The following RALGPS2 variants were observed in gnomAD, a reference collection of about 807,000 sequenced individuals.
RALGPS2 encodes the protein ras-specific guanine nucleotide-releasing factor RalGPS2.
RALGPS2 carries 43 observed loss-of-function variants against 86.8 expected under a neutral mutation model. The ratio of observed to expected loss-of-function variants is 0.50; its 90% CI spans 0.39 to 0.64. RALGPS2 has a LOEUF of 0.64. Ranked by LOEUF, RALGPS2 falls within the 30% of genes least tolerant of loss-of-function variation. The pLI, the probability that RALGPS2 is intolerant of heterozygous loss-of-function variation, is 0.00. For synonymous variants in RALGPS2, 243 were observed against 231.3 expected, an observed-to-expected ratio of 1.05 and a Z score of -0.46; for missense variants, 536 against 694.6, an observed-to-expected ratio of 0.77 and a Z score of 2.57.
intron 19 of RALGPS2, among the ~76,000 whole-genome samples, chr1:178,914,324 A>G (rs1660732552): frequency 6.6e-6 from 1 of 152,078 alleles, no homozygotes; most frequent in African/African-American, 2.4e-5. Flanking sequence ...GGCAACTCAA[A>G]TATCCAGGAG....
At chr1:178,763,191 C>G (rs1037737531) in intron 1 of RALGPS2, among the ~76,000 whole-genome samples, 1 of 152,022 alleles carries the variant, frequency 6.6e-6, no homozygotes, top group African/African-American at 2.4e-5. Context: ...CTATTCTGTT[C>G]CGTTGGTTTG....
intron 1 of RALGPS2, among the ~76,000 whole-genome samples, chr1:178,760,393 A>G (rs1293341947): frequency 6.6e-6 from 1 of 152,150 alleles, no homozygotes; most frequent in African/African-American, 2.4e-5. Flanking sequence ...TATATTTAGG[A>G]TAGTTAAGTC....
intron 7 of RALGPS2, among the ~76,000 whole-genome samples, chr1:178,827,358 A>T (rs1655793381): frequency 6.6e-6 from 1 of 151,968 alleles, no homozygotes; most frequent in African/African-American, 2.4e-5. Flanking sequence ...AGCAATCTTG[A>T]GCAACAACAA....
chr1:178,775,141 C>G (rs1409747598), intron 1 of RALGPS2, among the ~76,000 whole-genome samples: 2 of 152,142 alleles, frequency 1.3e-5, no homozygotes, highest in African/African-American at 4.8e-5. Context: ...TGTGCCAACA[C>G]TGTTTTAGGT....
intron 2 of RALGPS2, among the ~76,000 whole-genome samples, chr1:178,777,846 A>G (rs1247239813): frequency 6.1e-5 from 9 of 147,786 alleles, no homozygotes; most frequent in East Asian, 2.0e-4. Context: ...CCATATGTAG[A>G]AAGCTGAAAC....
intron 1 of RALGPS2, among the ~76,000 whole-genome samples, chr1:178,773,503 G>C: frequency 6.6e-6 from 1 of 152,196 alleles, no homozygotes; most frequent in East Asian, 1.9e-4. Context: ...CGTACTAAAA[G>C]AATAAACTCG....
chr1:178,851,285 C>T, intron 8 of RALGPS2: 1 of 1,611,476 alleles, frequency 6.2e-7, no homozygotes, highest in Non-Finnish European at 8.5e-7. Context: ...CATTGTACCA[C>T]CAGCCTCCTT....
intron 1 of RALGPS2, among the ~76,000 whole-genome samples, chr1:178,727,866 AATG>A (rs1650118603): frequency 6.6e-6 from 1 of 152,184 alleles, no homozygotes; most frequent in Admixed American, 6.5e-5. Flanking sequence ...ATGGGGCTTA[AATG>A]ATAAGTGGGC....
At chr1:178,880,563 T>C (rs1486229419) in intron 10 of RALGPS2, among the ~76,000 whole-genome samples, 3 of 152,198 alleles carry the variant, frequency 2.0e-5, no homozygotes, top group Non-Finnish European at 4.4e-5. Flanking sequence ...CTGTGTCTTA[T>C]ACTTACCACT....
At chr1:178,892,813 T>C (rs1453147441) in intron 15 of RALGPS2, among the ~76,000 whole-genome samples, 1 of 152,128 alleles carries the variant, frequency 6.6e-6, no homozygotes, top group Non-Finnish European at 1.5e-5. Context: ...CAGGTCTCTT[T>C]TGGACTGTTA....
intron 8 of RALGPS2, among the ~76,000 whole-genome samples, chr1:178,866,405 T>C (rs1272904067): frequency 6.6e-6 from 1 of 152,194 alleles, no homozygotes; most frequent in African/African-American, 2.4e-5. Context: ...TCACATGCTT[T>C]TTATTTTTAT....
intron 12 of RALGPS2, chr1:178,885,521 A>G (rs563279978): frequency 1.3e-5 from 3 of 225,660 alleles, no homozygotes; most frequent in South Asian, 2.6e-4. Flanking sequence ...CTTTATATCA[A>G]GACAGTCATT....
intron 8 of RALGPS2, among the ~76,000 whole-genome samples, chr1:178,838,838 A>T (rs906278439): frequency 2.6e-5 from 4 of 152,224 alleles, no homozygotes; most frequent in African/African-American, 9.6e-5. Flanking sequence ...TGGAGCTGAA[A>T]ACCATGGCAC....
rs1177404158 is a variant in RALGPS2 at position 178,731,278 on chromosome 1, T to G, written c.-84+5859T>G. On this transcript the variant is annotated intron_variant, in intron 1 of 19. Transcript: ENST00000367635. ...TACTTTTCTAGTTGTTTTGGTTTTT[T>G]TTTTTTTTTTTTTTTTTTTTTTTGA... Among the ~76,000 whole-genome samples the G allele has an allele frequency of 5.8e-3, 616 of 106,768 alleles. 1 individual carries two copies. The highest frequency in any genetic ancestry group is 8.6e-3 in the Non-Finnish European group (453 of 52,902). 70.0% of individuals were successfully genotyped at this position (106,768 alleles called of 152,430 possible). A position where few individuals can be genotyped will look rare whatever the true frequency, so the allele number is the denominator to read the frequency against.
intron 8 of RALGPS2, among the ~76,000 whole-genome samples, chr1:178,837,670 T>C (rs2102259289): frequency 6.6e-6 from 1 of 151,544 alleles, no homozygotes; most frequent in African/African-American, 2.4e-5. Context: ...TCACTGGGGC[T>C]TGTCGGACAG....
chr1:178,756,181 A>G (rs1239713716), intron 1 of RALGPS2, among the ~76,000 whole-genome samples: 4 of 151,876 alleles, frequency 2.6e-5, no homozygotes, highest in African/African-American at 4.8e-5. Context: ...CCACTTGTCA[A>G]TTTTTGTTTT....
intron 1 of RALGPS2, among the ~76,000 whole-genome samples, chr1:178,773,217 T>C (rs1346659850): frequency 6.6e-6 from 1 of 152,156 alleles, no homozygotes. Flanking sequence ...GGCATGGTGG[T>C]GCACACCTCA....
intron 7 of RALGPS2, among the ~76,000 whole-genome samples, chr1:178,832,383 A>G (rs540968084): frequency 6.6e-6 from 1 of 152,288 alleles, no homozygotes; most frequent in South Asian, 2.1e-4. Flanking sequence ...TACTAGAAAG[A>G]GTAGTGGATT....
At chr1:178,902,503 A>G (rs1345013784) in intron 18 of RALGPS2, among the ~76,000 whole-genome samples, 1 of 152,090 alleles carries the variant, frequency 6.6e-6, no homozygotes, top group Non-Finnish European at 1.5e-5. Context: ...GCTAATCCCT[A>G]GAGACCTAAC....
Sources: allele counts gnomAD v4.1 joint callset (sites outside exome capture counted in the v4.1 genomes callset), GRCh38; gene constraint gnomAD v4.1.1; transcripts MANE v1.5; gene names NCBI Gene and HGNC (gene_info 2026-07-23, HGNC 2026-07-21).